The following PPP6R2 variants were observed in gnomAD, a reference collection of about 807,000 sequenced individuals.
The protein encoded by PPP6R2 is serine/threonine-protein phosphatase 6 regulatory subunit 2.
A neutral mutation model predicts 100.2 loss-of-function variants in PPP6R2; 62 were observed. That is an observed-to-expected ratio of 0.62 (90% CI 0.50 to 0.76). The LOEUF (loss-of-function observed/expected upper bound fraction) is 0.76, where lower values mean the gene tolerates loss of function less well. Among genes scored for constraint, PPP6R2 ranks in the 30% least tolerant of loss-of-function variants. The probability of loss-of-function intolerance (pLI) is 0.00; values close to 1 mark genes in which losing one functional copy is unlikely to be tolerated. For synonymous variants in PPP6R2, 525 were observed against 514.7 expected (o/e 1.02, Z -0.27); for missense variants, 1,142 against 1,276.3 (o/e 0.89, Z 1.60).
Position 50,423,835 on chromosome 22 carries a change from A to C in PPP6R2, c.1125+221A>C, listed in dbSNP as rs2061641916. Among the ~76,000 whole-genome samples the C allele has an allele frequency of 6.6e-6, 1 of 152,228 alleles. No homozygotes were observed. The highest frequency in any genetic ancestry group is 2.1e-4 in the South Asian group (1 of 4,830). ...CAGGCTCATGGGAAGTGACGAGTCT[A>C]CCGTAGAATTGCCCTGAAAGCAGAA... On this transcript the variant is annotated intron_variant, in intron 10 of 23. Coordinates refer to ENST00000612753, the MANE Select transcript of PPP6R2 (RefSeq NM_001242898.2). This position sits in a 1 kb window ranked among gnomAD's most constrained non-coding sequence, Gnocchi z 4.8.
chr22:50,364,977 G>GA (rs552052403), intron 1 of PPP6R2, among the ~76,000 whole-genome samples: 108 of 150,278 alleles, frequency 7.2e-4, no homozygotes, highest in African/African-American at 2.4e-3. Context: ...GGCATAAAAA[G>GA]AAAAAAAATC....
At chr22:50,343,228 G>A (rs964089165), upstream of PPP6R2, 1 of 151,044 alleles carries the variant, frequency 6.6e-6, no homozygotes, top group Admixed American at 6.6e-5. Context: ...AGCCGGCCCA[G>A]GTCCCGGCCC....
intron 21 of PPP6R2, 160 bp from the exon 22 acceptor site, chr22:50,440,662 G>C (rs1044131749): frequency 1.3e-6 from 1 of 778,368 alleles, no homozygotes; most frequent in Admixed American, 2.3e-5. Flanking sequence ...GCAGGTGCGT[G>C]AGCCTGTCTG....
At chr22:50,355,549 C>G (rs1474171147) in intron 1 of PPP6R2, among the ~76,000 whole-genome samples, 12 of 133,044 alleles carry the variant, frequency 9.0e-5, no homozygotes, top group East Asian at 4.6e-4. Flanking sequence ...GAGATAGAGT[C>G]TCGCTCTGTC....
At chr22:50,427,924 A>T (rs2334097) in intron 10 of PPP6R2, among the ~76,000 whole-genome samples, 11 of 151,476 alleles carry the variant, frequency 7.3e-5, no homozygotes, top group Middle Eastern at 3.5e-3. Flanking sequence ...GTTTCACCAT[A>T]TTAGCCAGGA....
intron 3 of PPP6R2, among the ~76,000 whole-genome samples, chr22:50,405,307 A>AGGCCTGGAGGGAGGTGAGG (rs2058674871): frequency 8.8e-6 from 1 of 114,126 alleles, no homozygotes. Context: ...GGGAGGTGAG[A>AGGCCTGGAGGGAGGTGAGG]GGCCTGGAGA....
rs555943278 is a variant in PPP6R2 at position 50,415,692 on chromosome 22, T to G, written c.553-400T>G. Among the ~76,000 whole-genome samples, 4 of 152,304 alleles carry G rather than the reference T, an allele frequency of 2.6e-5. No homozygotes were observed. The South Asian group carries it at 8.3e-4, about 32-fold the overall frequency. ...TACCCCACAGTGTTCGTGTAGCCTC[T>G]CCAGGGTGGAGTTACTCTTCCTCAA... is the stretch of plus-strand genomic sequence containing the variant. On this transcript the variant is annotated intron_variant, in intron 5 of 23. Coordinates refer to ENST00000612753, the MANE Select transcript of PPP6R2 (RefSeq NM_001242898.2).
intron 10 of PPP6R2, among the ~76,000 whole-genome samples, chr22:50,424,481 G>A (rs953818996): frequency 6.7e-5 from 10 of 149,150 alleles, no homozygotes; most frequent in African/African-American, 1.7e-4. Context: ...GTCCGTCCGC[G>A]TGTGGAACGT....
chr22:50,360,351 T>A (rs1232700773), intron 1 of PPP6R2, among the ~76,000 whole-genome samples: 4 of 74,380 alleles, frequency 5.4e-5, no homozygotes, highest in East Asian at 9.2e-4. Flanking sequence ...ATGCTCAGCC[T>A]TTTTTTTTTT....
At position 50,444,002 on chromosome 22, in the gene PPP6R2, A is replaced by G; in HGVS notation, c.2716A>G (p.Ile906Val). ...AGCACTGAGCAAGGCTGGCCCCGCC[A>G]TACCCACCCCAGCAGTCTCTTCTGC... ...TTALSKAGPA[I>V]PTPAVSSALA... is the part of the protein sequence containing the mutation. The change falls in exon 23 of 24, where the codon ATA becomes GTA. Residue 906 changes from isoleucine to valine, a missense_variant. This residue lies in a region of PPP6R2 where 550 missense variants were observed against 517.4 expected (regional missense o/e 1.06). Coordinates refer to ENST00000612753, the MANE Select transcript of PPP6R2 (RefSeq NM_001242898.2). 1 of 1,613,300 alleles carries G rather than the reference A, an allele frequency of 6.2e-7. No homozygotes were observed. Among genetic ancestry groups the G allele is most frequent in the South Asian group, 1.1e-5 (1 of 91,084 alleles).
At chr22:50,395,372 G>A (rs1297532517) in intron 3 of PPP6R2, among the ~76,000 whole-genome samples, 3 of 152,094 alleles carry the variant, frequency 2.0e-5, no homozygotes, top group Admixed American at 6.5e-5. Context: ...GGGCTGGGGC[G>A]AGAGGGAGAA....
chr22:50,443,058 G>C (rs1003231445), intron 22 of PPP6R2: 1 of 151,968 alleles, frequency 6.6e-6, no homozygotes, highest in African/African-American at 2.4e-5. Context: ...CCAGCTACTT[G>C]GGAGGCTGAG....
At chr22:50,438,410 C>T in intron 18 of PPP6R2, 112 bp downstream of exon 18, 7 of 1,507,676 alleles carry the variant, frequency 4.6e-6, no homozygotes, top group Non-Finnish European at 6.2e-6. Context: ...CCACACCTGT[C>T]CTGCCAGCTC....
intron 1 of PPP6R2, among the ~76,000 whole-genome samples, chr22:50,348,061 G>A (rs2044176906): frequency 6.6e-6 from 1 of 152,150 alleles, no homozygotes; most frequent in Non-Finnish European, 1.5e-5. Flanking sequence ...ACATGCAAAG[G>A]CCCTGAAGTG....
Position 50,419,451 on chromosome 22 carries a change from C to G in PPP6R2, c.834C>G (p.Thr278=), listed in dbSNP as rs1288276565. 1.2e-6 allele frequency: 2 copies of G among 1,613,958 alleles called. No individual in the cohort carries two copies. Among genetic ancestry groups the G allele is most frequent in the South Asian group, 2.2e-5 (2 of 91,062 alleles). The change falls in exon 8 of 24, where the codon ACC becomes ACG. Residue 278 remains threonine (T), a synonymous_variant. Coordinates refer to ENST00000612753, the MANE Select transcript of PPP6R2 (RefSeq NM_001242898.2). ...AGGTGTTACTCACCTTGCTGGAAAC[C>G]AGGCGGGTTGGGTGAGTCTCACGAG... ...GTQVLLTLLE[T]RRVGTEGLVD...
At chr22:50,374,072 T>TG (rs978676834) in intron 2 of PPP6R2, among the ~76,000 whole-genome samples, 1 of 152,154 alleles carries the variant, frequency 6.6e-6, no homozygotes, top group African/African-American at 2.4e-5. Context: ...TTTTTAGAGA[T>TG]GGGGTCTCAC....
chr22:50,380,841 T>G (rs1358609397), intron 2 of PPP6R2, among the ~76,000 whole-genome samples: 1 of 151,148 alleles, frequency 6.6e-6, no homozygotes, highest in Non-Finnish European at 1.5e-5. Flanking sequence ...TACAAAAAAT[T>G]AGCCGGGCGT....
upstream of PPP6R2, among the ~76,000 whole-genome samples, chr22:50,340,025 GTAGGGTGTGTGGTGTGTGTT>G (rs1183087227): frequency 1.4e-5 from 2 of 142,496 alleles, no homozygotes; most frequent in African/African-American, 2.6e-5. Context: ...TAGTGTGTGT[GTAGGGTGTGTGGTGTGTGTT>G]TAGGGTGTGG....
intron 14 of PPP6R2, 21 bp from the exon 15 acceptor site, chr22:50,436,967 C>A (rs537281572): frequency 6.5e-7 from 1 of 1,548,972 alleles, no homozygotes; most frequent in Non-Finnish European, 8.7e-7. Flanking sequence ...ACACGCCCAC[C>A]CCATCTGGCC....
Sources: allele counts gnomAD v4.1 joint callset (sites outside exome capture counted in the v4.1 genomes callset), GRCh38; gene constraint gnomAD v4.1.1; regional missense constraint gnomAD v4.1.1; non-coding constraint Gnocchi (gnomAD v3.1); transcripts MANE v1.5; gene names NCBI Gene and HGNC (gene_info 2026-07-23, HGNC 2026-07-21).